Variants in WWOX observed in about 807,000 individuals in gnomAD.
WWOX encodes the protein WW domain-containing oxidoreductase.
In WWOX, 69 loss-of-function variants were observed where a neutral mutation model predicts 46.2. The ratio of observed to expected loss-of-function variants is 1.49; its 90% CI spans 1.23 to 1.82. The LOEUF (loss-of-function observed/expected upper bound fraction) is 1.82. WWOX is among the 40% of genes most tolerant of loss of function. The probability of loss-of-function intolerance (pLI) is 0.00; values close to 1 mark genes in which losing one functional copy is unlikely to be tolerated. For synonymous variants in WWOX, 359 were observed against 202.6 expected (o/e 1.77, Z -6.56); for missense variants, 919 against 542.6 (o/e 1.69, Z -6.89).
chr16:78,251,054 C>G (rs1475975379), intron 5 of WWOX, among the ~76,000 whole-genome samples: 2 of 152,196 alleles, frequency 1.3e-5, no homozygotes, highest in Admixed American at 1.3e-4. Context: ...CAGGATCATT[C>G]TAAGGGTATG....
chr16:79,049,708 C>T (rs540377172), intron 8 of WWOX, among the ~76,000 whole-genome samples: 38 of 151,968 alleles, frequency 2.5e-4, no homozygotes, highest in Admixed American at 1.9e-3. Flanking sequence ...TGGTGGCCGG[C>T]GCCTGTAATC....
At chr16:78,494,845 G>C (rs1430454780) in intron 8 of WWOX, among the ~76,000 whole-genome samples, 5 of 152,168 alleles carry the variant, frequency 3.3e-5, no homozygotes, top group Non-Finnish European at 5.9e-5. Flanking sequence ...TGTCAATTGA[G>C]TAAGAGGCTG....
intron 8 of WWOX, among the ~76,000 whole-genome samples, chr16:78,882,733 C>T (rs1285569567): frequency 1.3e-5 from 2 of 152,016 alleles, no homozygotes; most frequent in Non-Finnish European, 2.9e-5. Flanking sequence ...AAGTGATCCA[C>T]CCGCTTCAGC....
intron 8 of WWOX, among the ~76,000 whole-genome samples, chr16:78,774,985 A>T (rs2050154254): frequency 6.6e-6 from 1 of 152,146 alleles, no homozygotes; most frequent in African/African-American, 2.4e-5. Flanking sequence ...GAGGGGCTGC[A>T]GGTAGAACTA....
chr16:79,191,637 C>A (rs377651), intron 8 of WWOX, among the ~76,000 whole-genome samples: 2 of 152,036 alleles, frequency 1.3e-5, no homozygotes, highest in African/African-American at 2.4e-5. Context: ...CAAATCCTAG[C>A]TGGACTGCAG....
At chr16:78,312,671 G>T (rs1192535525) in intron 5 of WWOX, among the ~76,000 whole-genome samples, 1 of 152,158 alleles carries the variant, frequency 6.6e-6, no homozygotes, top group African/African-American at 2.4e-5. Flanking sequence ...CACTGTGCCT[G>T]GCTGGTTGTA....
intron 8 of WWOX, among the ~76,000 whole-genome samples, chr16:79,049,365 C>T (rs1438497876): frequency 6.6e-6 from 1 of 152,176 alleles, no homozygotes; most frequent in Non-Finnish European, 1.5e-5. Flanking sequence ...ATTTATTCGG[C>T]ACAATTGAGT....
chr16:78,832,460 A>G (rs946705786), intron 8 of WWOX, among the ~76,000 whole-genome samples: 2 of 152,164 alleles, frequency 1.3e-5, no homozygotes, highest in Non-Finnish European at 2.9e-5. Flanking sequence ...GGAGAGGGGA[A>G]CCTGGCTCCA....
chr16:78,422,884 C>G (rs71396184), intron 6 of WWOX, among the ~76,000 whole-genome samples: 1 of 103,588 alleles, frequency 9.7e-6, no homozygotes, highest in Non-Finnish European at 2.0e-5. Flanking sequence ...CACACACACA[C>G]ATATATTTTT....
At chr16:78,132,716 G>C (rs1476155265) in intron 4 of WWOX, among the ~76,000 whole-genome samples, 1 of 152,094 alleles carries the variant, frequency 6.6e-6, no homozygotes, top group Admixed American at 6.5e-5. Flanking sequence ...CTTTTAGTTG[G>C]CTTCTTTGCT....
chr16:78,983,130 C>G (rs1247154557), intron 8 of WWOX, among the ~76,000 whole-genome samples: 1 of 152,146 alleles, frequency 6.6e-6, no homozygotes, highest in East Asian at 1.9e-4. Context: ...ATCCAAACAT[C>G]TTTTTCCCAC....
chr16:78,691,048 A>C (rs1004511624), intron 8 of WWOX, among the ~76,000 whole-genome samples: 2 of 152,212 alleles, frequency 1.3e-5, no homozygotes, highest in African/African-American at 4.8e-5. Context: ...ATCTTCACTA[A>C]TGAGTTCTGA....
intron 8 of WWOX, among the ~76,000 whole-genome samples, chr16:78,732,146 G>T (rs896884008): frequency 1.2e-4 from 19 of 152,078 alleles, no homozygotes; most frequent in Non-Finnish European, 2.6e-4. Flanking sequence ...TTACAGGTGT[G>T]AGCCCCCAAC....
At chr16:78,540,372 C>T (rs1017033184) in intron 8 of WWOX, among the ~76,000 whole-genome samples, 5 of 152,026 alleles carry the variant, frequency 3.3e-5, no homozygotes, top group Non-Finnish European at 7.4e-5. Context: ...GTTGCCTGGG[C>T]CTGGATTTTT....
At chr16:78,784,647 G>T (rs1444955470) in intron 8 of WWOX, among the ~76,000 whole-genome samples, 4 of 152,152 alleles carry the variant, frequency 2.6e-5, no homozygotes, top group African/African-American at 9.7e-5. Flanking sequence ...AGAGAGTTTG[G>T]CATTTGCTAG....
intron 6 of WWOX, among the ~76,000 whole-genome samples, chr16:78,398,011 C>T (rs1418081287): frequency 6.6e-6 from 1 of 152,192 alleles, no homozygotes; most frequent in East Asian, 1.9e-4. Flanking sequence ...TCATTTGCAT[C>T]ATCTTTATAC....
intron 8 of WWOX, among the ~76,000 whole-genome samples, chr16:78,650,373 A>G (rs1306672971): frequency 6.6e-6 from 1 of 152,196 alleles, no homozygotes; most frequent in Non-Finnish European, 1.5e-5. Flanking sequence ...AGCTGGAGAC[A>G]CTGCCCCTGT....
chr16:78,714,049 G>A (rs7191821), intron 8 of WWOX, among the ~76,000 whole-genome samples: 7,678 of 152,160 alleles, frequency 0.05, 645 homozygotes, highest in African/African-American at 0.17. Context: ...GGAAAAGAAG[G>A]CAAAATGATG....
chr16:79,108,337 T>C (rs189108865), intron 8 of WWOX, among the ~76,000 whole-genome samples: 1 of 152,356 alleles, frequency 6.6e-6, no homozygotes, highest in Admixed American at 6.5e-5. Context: ...TGTTTCTAAA[T>C]AGCTGAGCTG....
Sources: gnomAD v4.1 joint callset for allele counts (sites outside exome capture counted in the v4.1 genomes callset) on GRCh38, gnomAD v4.1.1 for gene constraint, MANE v1.5 for transcripts, NCBI Gene and HGNC (gene_info 2026-07-23, HGNC 2026-07-21) for gene names.